The following ENO2 variants were observed in gnomAD, a reference collection of about 807,000 sequenced individuals.
ENO2 encodes enolase 2.
ENO2 carries 19 observed loss-of-function variants against 48.7 expected under a neutral mutation model. The observed-to-expected ratio is 0.39, with a 90% CI of 0.27 to 0.57. The LOEUF (loss-of-function observed/expected upper bound fraction) is 0.57, where lower values mean the gene tolerates loss of function less well. ENO2 is among the 20% of genes least tolerant of loss of function. The pLI, the probability that ENO2 is intolerant of heterozygous loss-of-function variation, is 0.58. For synonymous variants in ENO2, 198 were observed against 213.4 expected (o/e 0.93, Z 0.63); for missense variants, 416 against 555.0 (o/e 0.75, Z 2.52).
At chr12:6,919,822 CT>C in intron 8 of ENO2, 59 bp downstream of exon 8, 1 of 1,579,336 alleles carries the variant, frequency 6.3e-7, no homozygotes, top group South Asian at 1.1e-5. Flanking sequence ...GTCCCAGCAA[CT>C]CTGGACCTTA....
intron 6 of ENO2, 46 bp downstream of exon 6, chr12:6,917,760 A>C: frequency 1.2e-4 from 126 of 1,046,880 alleles, no homozygotes; most frequent in Middle Eastern, 2.7e-4. Flanking sequence ...CGGGTGGGGG[A>C]GGGAGCATGC....
chr12:6,921,499 A>C (rs1591653963), intron 8 of ENO2, 82 bp from the exon 9 acceptor site: 4 of 1,413,776 alleles, frequency 2.8e-6, no homozygotes, highest in Middle Eastern at 1.8e-4. Context: ...CATTTCAGGG[A>C]ATAAAGGGGC....
At position 6,921,753 on chromosome 12, in the gene ENO2, G is replaced by C; in HGVS notation, c.1038G>C (p.Gln346His). The C allele has an allele frequency of 6.2e-7, 1 of 1,614,172 alleles. No individual in the cohort carries two copies. The highest frequency in any genetic ancestry group is 1.1e-5 in the South Asian group (1 of 91,086). ...ACNCLLLKVN[Q>H]IGSVTEAIQA... ...ACTGTCTGCTGCTCAAGGTCAACCA[G>C]ATCGGCTCGGTCACTGAAGCCATCC... The change falls in exon 9 of 12, where the codon CAG becomes CAC. Residue 346 changes from glutamine (Q) to histidine (H), a missense_variant. Physicochemically the swap from Gln to His is conservative, Grantham distance 24 (BLOSUM62 0). Transcript: ENST00000229277.
chr12:6,920,372 T>TTGG (rs1480991063), intron 8 of ENO2, among the ~76,000 whole-genome samples: 63 of 82,560 alleles, frequency 7.6e-4, no homozygotes, highest in African/African-American at 2.3e-3. Context: ...AGATTTTTTT[T>TTGG]GGGGGGGGGG....
chr12:6,921,227 C>A (rs1445167163), intron 8 of ENO2, among the ~76,000 whole-genome samples: 1 of 152,116 alleles, frequency 6.6e-6, no homozygotes, highest in Non-Finnish European at 1.5e-5. Context: ...GACCTCATCT[C>A]TACAAAAATT....
chr12:6,921,814 C>T, intron 9 of ENO2, 32 bp downstream of exon 9: 1 of 1,610,754 alleles, frequency 6.2e-7, no homozygotes, highest in Non-Finnish European at 8.5e-7. Flanking sequence ...CCTGTGTGGT[C>T]CTCGTTTCTA....
At chr12:6,915,692 C>CT in intron 1 of ENO2, 129 bp from the exon 2 acceptor site, 54 of 477,032 alleles carry the variant, frequency 1.1e-4, no homozygotes, top group Middle Eastern at 3.6e-4. Context: ...CAGCGCCTCC[C>CT]TACCCACCCC....
At chr12:6,915,722 C>T in intron 1 of ENO2, 99 bp from the exon 2 acceptor site, 1 of 451,460 alleles carries the variant, frequency 2.2e-6, no homozygotes, top group Non-Finnish European at 4.3e-6. Flanking sequence ...GCAGTAACCT[C>T]TTTCCCATCC....
In ENO2 at chr12:6,916,425, C is replaced by G; in HGVS notation, c.94C>G (p.Arg32Gly). The change falls in exon 3 of 12, where the codon CGG becomes GGG. Residue 32 changes from arginine to glycine, a missense_variant. Arg to Gly is a moderately radical substitution (Grantham distance 125, BLOSUM62 -2). Coordinates refer to ENST00000229277, the MANE Select transcript of ENO2 (RefSeq NM_001975.3). The surrounding 1 kb of genome is among the most constrained non-coding windows in gnomAD (Gnocchi z 4.5). Reference protein sequence around the residue: ...VDLYTAKGLFRAAVPSGASTG... With the variant: ...VDLYTAKGLFGAAVPSGASTG... ...CCATGTTCCTCCTTTAGGTCTTTTCCGGGCTGCAGTGCCCAGTGGAGCCTC... is the reference window on the plus strand; with the variant it reads ...CCATGTTCCTCCTTTAGGTCTTTTCGGGGCTGCAGTGCCCAGTGGAGCCTC... The G allele has an allele frequency of 6.2e-7, 1 of 1,613,310 alleles. No individual in the cohort carries two copies.
intron 1 of ENO2, 117 bp from the exon 2 acceptor site, chr12:6,915,704 C>CCCCCCCCCCCCCA: frequency 2.9e-6 from 1 of 350,838 alleles, no homozygotes; most frequent in South Asian, 2.5e-5. Context: ...ACCCACCCCC[C>CCCCCCCCCCCCCA]ACCCACTGCA....
At position 6,916,937 on chromosome 12, in the gene ENO2, T is replaced by G; in HGVS notation, c.241-101T>G. ...TAGGCCCCTGTCACAGGGACCTGGT[T>G]GGACCCTGGCCAAATGTGAGCTTGG... On this transcript the variant is annotated intron_variant, in intron 4 of 11. Transcript: ENST00000229277. The surrounding 1 kb of genome is among the most constrained non-coding windows in gnomAD (Gnocchi z 4.5). 1.3e-6 allele frequency: 2 copies of G among 1,542,634 alleles called. No individual in the cohort carries two copies. The highest frequency in any genetic ancestry group is 1.8e-6 in the Non-Finnish European group (2 of 1,121,742).
At chr12:6,915,501 A>G in intron 1 of ENO2, 1 of 313,862 alleles carries the variant, frequency 3.2e-6, no homozygotes, top group Non-Finnish European at 6.2e-6. Flanking sequence ...CGGCTGGCCA[A>G]GCTGCAAAGA....
Position 6,916,724 on chromosome 12 carries a change from A to G in ENO2, c.235A>G (p.Ser79Gly). The change falls in exon 4 of 12, where the codon AGC (serine) becomes GGC (glycine). Residue 79 changes from serine (S) to glycine (G), a missense_variant. By Grantham distance (56) the Ser-to-Gly change is moderately conservative. Coordinates refer to ENST00000229277, the MANE Select transcript of ENO2 (RefSeq NM_001975.3). The surrounding 1 kb of genome is among the most constrained non-coding windows in gnomAD (Gnocchi z 4.5). ...CTCCACCATCGCGCCAGCCCTCATC[A>G]GCTCAGTGAGGCCTGCTCTTTGCTG... Reference protein sequence around the residue: ...INSTIAPALISSGLSVVEQEK... With the variant: ...INSTIAPALIGSGLSVVEQEK... 2.5e-6 allele frequency: 4 copies of G among 1,614,098 alleles called. No homozygotes were observed. Among genetic ancestry groups the G allele is most frequent in the Non-Finnish European group, 3.4e-6 (4 of 1,180,006 alleles).
rs782179764 is a variant in ENO2 at position 6,921,708 on chromosome 12, A to C, written c.993A>C (p.Ala331=). The C allele has an allele frequency of 1.2e-6, 2 of 1,614,218 alleles. No homozygotes were observed. Among genetic ancestry groups the C allele is most frequent in the South Asian group, 2.2e-5 (2 of 91,084 alleles). The change falls in exon 9 of 12, where the codon GCA becomes GCC. Residue 331 remains alanine, a synonymous_variant. Transcript: ENST00000229277. The part of the protein sequence containing the change: ...TVTNPKRIER[A]VEEKACNCLL... ...CCAACCCAAAACGTATTGAGCGGGC[A>C]GTGGAAGAAAAGGCCTGCAACTGTC...
intron 7 of ENO2, 115 bp downstream of exon 7, chr12:6,918,277 A>G (rs1292899239): frequency 1.9e-5 from 20 of 1,045,842 alleles, no homozygotes; most frequent in Non-Finnish European, 2.6e-5. Context: ...GGACTCTGCA[A>G]ACTCCAAAAG....
intron 5 of ENO2, 121 bp downstream of exon 5, chr12:6,917,228 T>G: frequency 8.0e-7 from 1 of 1,257,344 alleles, no homozygotes; most frequent in Non-Finnish European, 1.1e-6. Flanking sequence ...GGCATTCTCC[T>G]CTCAAAGCCA....
rs1565558425 is a variant in ENO2 at position 6,917,616 on chromosome 12, C to G, written c.346C>G (p.Leu116Val). 6.2e-7 allele frequency: 1 copy of G among 1,613,652 alleles called. No individual in the cohort carries two copies. Among genetic ancestry groups the G allele is most frequent in the East Asian group, 2.2e-5 (1 of 44,884 alleles). ...GGCCAATGCCATCCTGGGTGTGTCT[C>G]TGGCCGTGTGTAAGGCAGGGGCAGC... Reference protein sequence around the residue: ...FGANAILGVSLAVCKAGAAER... With the variant: ...FGANAILGVSVAVCKAGAAER... Residue 116 changes from leucine (L) to valine (V), a missense_variant, in exon 6 of 12, where the codon CTG (leucine) becomes GTG (valine). Physicochemically the swap from Leu to Val is conservative, Grantham distance 32. Transcript: ENST00000229277.
At position 6,916,815 on chromosome 12, in the gene ENO2, G is replaced by C; in HGVS notation, c.240+86G>C. 1 of 1,556,780 alleles carries C rather than the reference G, an allele frequency of 6.4e-7. No homozygotes were observed. The highest frequency in any genetic ancestry group is 8.8e-7 in the Non-Finnish European group (1 of 1,137,192). On this transcript the variant is annotated intron_variant, in intron 4 of 11. Transcript: ENST00000229277. The surrounding 1 kb of genome is among the most constrained non-coding windows in gnomAD (Gnocchi z 4.5). Reference sequence around the variant, plus strand: ...GGGCAGGAGGAAGGGAAGAAAGAAGGCCCACTCTTAGGAATCATGGTTACA... The same window carrying C: ...GGGCAGGAGGAAGGGAAGAAAGAAGCCCCACTCTTAGGAATCATGGTTACA...
Position 6,922,314 on chromosome 12 carries a change from C to G in ENO2, c.1177-30C>G. On this transcript the variant is annotated intron_variant, in intron 10 of 11. Coordinates refer to ENST00000229277, the MANE Select transcript of ENO2 (RefSeq NM_001975.3). The surrounding 1 kb of genome is among the most constrained non-coding windows in gnomAD (Gnocchi z 5.3). ...CCTTTCAGGGGTGAGAGGGCAGTCA[C>G]TGAGCTGCAAATCCTTTGAAATGTT... 6.2e-7 allele frequency: 1 copy of G among 1,614,120 alleles called. No individual in the cohort carries two copies. The highest frequency in any genetic ancestry group is 2.2e-5 in the East Asian group (1 of 44,882).
Sources: allele counts gnomAD v4.1 joint callset (sites outside exome capture counted in the v4.1 genomes callset), GRCh38; gene constraint gnomAD v4.1.1; non-coding constraint Gnocchi (gnomAD v3.1); transcripts MANE v1.5; gene names NCBI Gene and HGNC (gene_info 2026-07-23, HGNC 2026-07-21).